CLNK: variants seen among roughly 807,000 people sequenced by gnomAD.
CLNK encodes the protein cytokine dependent hematopoietic cell linker, also known as cytokine-dependent hematopoietic cell linker.
Under a neutral mutation model 68.6 loss-of-function variants are expected in CLNK, and 74 were observed. The ratio of observed to expected loss-of-function variants is 1.08; its 90% CI spans 0.89 to 1.31. The LOEUF (loss-of-function observed/expected upper bound fraction) is 1.31, where lower values mean the gene tolerates loss of function less well. Ranked by LOEUF, CLNK falls within the 50% of genes most tolerant of loss-of-function variation. The probability of loss-of-function intolerance (pLI) is 0.00; values close to 1 mark genes in which losing one functional copy is unlikely to be tolerated. For synonymous variants in CLNK, 198 were observed against 172.2 expected, an observed-to-expected ratio of 1.15 and a Z score of -1.17; for missense variants, 553 against 515.3, an observed-to-expected ratio of 1.07 and a Z score of -0.71.
At chr4:10,619,054 G>A (rs1250317808) in intron 2 of CLNK, among the ~76,000 whole-genome samples, 1 of 152,228 alleles carries the variant, frequency 6.6e-6, no homozygotes, top group East Asian at 1.9e-4. Context: ...ATCAATGAGT[G>A]TCTCAGGCTC....
chr4:10,649,232 A>C (rs1361775396), intron 2 of CLNK, among the ~76,000 whole-genome samples: 1 of 152,190 alleles, frequency 6.6e-6, no homozygotes, highest in African/African-American at 2.4e-5. Flanking sequence ...AATATTGTTT[A>C]TTTCTTGTAG....
intron 5 of CLNK, among the ~76,000 whole-genome samples, chr4:10,569,815 T>C (rs559445665): frequency 9.2e-5 from 14 of 152,324 alleles, no homozygotes; most frequent in African/African-American, 3.4e-4. Flanking sequence ...AATCTGTAAA[T>C]TGGAGATGAC....
the CLNK span, among the ~76,000 whole-genome samples, chr4:10,723,952 G>T: frequency 9.0e-6 from 1 of 110,688 alleles, no homozygotes; most frequent in African/African-American, 2.9e-5. Context: ...TAACTTTTAT[G>T]TGTGGGTGGG....
chr4:10,597,951 T>C, intron 3 of CLNK, 27 bp downstream of exon 3: 1 of 1,473,144 alleles, frequency 6.8e-7, no homozygotes, highest in Non-Finnish European at 9.3e-7. Flanking sequence ...TTCACTCCTC[T>C]ATTAATAAAC....
At chr4:10,667,972 AC>A (rs1269651906) in intron 1 of CLNK, 61 bp from the exon 2 acceptor site, 1 of 934,188 alleles carries the variant, frequency 1.1e-6, no homozygotes, top group African/African-American at 1.6e-5. Flanking sequence ...ATTCTGGGGA[AC>A]AAGCCACTGT....
chr4:10,613,579 C>A (rs1323962737), intron 2 of CLNK, among the ~76,000 whole-genome samples: 2 of 152,130 alleles, frequency 1.3e-5, no homozygotes, highest in East Asian at 1.9e-4. Context: ...GACACAGGAA[C>A]ACAAAGATAA....
chr4:10,529,737 C>T (rs529180253), intron 12 of CLNK, among the ~76,000 whole-genome samples: 1 of 152,242 alleles, frequency 6.6e-6, no homozygotes. Context: ...TGCTCTCAGG[C>T]TTGTCAAAGG....
chr4:10,724,799 G>T, the CLNK span, among the ~76,000 whole-genome samples: 15 of 152,290 alleles, frequency 9.8e-5, 1 homozygote, highest in South Asian at 2.9e-3. Context: ...TTGTTTTATT[G>T]CTAATCCCCT....
At chr4:10,723,919 A>AGAGAGAGACAGAGAGAG in the CLNK span, among the ~76,000 whole-genome samples, 2 of 148,136 alleles carry the variant, frequency 1.4e-5, no homozygotes, top group East Asian at 2.0e-4. Context: ...AGAGAGAGAG[A>AGAGAGAGACAGAGAGAG]AGGCAGGGCA....
chr4:10,667,759 G>T, intron 2 of CLNK, 100 bp downstream of exon 2: 2 of 1,118,672 alleles, frequency 1.8e-6, no homozygotes, highest in Non-Finnish European at 2.5e-6. Context: ...TTCCATGGGC[G>T]GCCACATTGG....
chr4:10,606,366 T>A (rs1450730282), intron 2 of CLNK, among the ~76,000 whole-genome samples: 2 of 151,958 alleles, frequency 1.3e-5, no homozygotes, highest in African/African-American at 4.8e-5. Context: ...TCATTTCCTG[T>A]GATATCAATG....
At chr4:10,589,500 CA>C (rs1248462889) in intron 3 of CLNK, among the ~76,000 whole-genome samples, 1 of 152,176 alleles carries the variant, frequency 6.6e-6, no homozygotes, top group Non-Finnish European at 1.5e-5. Flanking sequence ...CTCCGTGCGT[CA>C]ATGCAAGCCA....
chr4:10,559,466 C>G (rs1392790402), intron 7 of CLNK, among the ~76,000 whole-genome samples: 1 of 152,080 alleles, frequency 6.6e-6, no homozygotes, highest in Non-Finnish European at 1.5e-5. Flanking sequence ...CTTGTGGGGA[C>G]TGGGGTGCCA....
At chr4:10,592,089 T>C (rs537872725) in intron 3 of CLNK, among the ~76,000 whole-genome samples, 5 of 152,344 alleles carry the variant, frequency 3.3e-5, no homozygotes, top group African/African-American at 1.2e-4. Context: ...TCTGAGAACC[T>C]GTGGCACTTC....
At chr4:10,514,475 A>G (rs1717743446) in intron 15 of CLNK, among the ~76,000 whole-genome samples, 2 of 147,088 alleles carry the variant, frequency 1.4e-5, no homozygotes, top group Non-Finnish European at 3.0e-5. Context: ...ATCTTTGACA[A>G]ACCTGAGAAA....
intron 2 of CLNK, among the ~76,000 whole-genome samples, chr4:10,646,270 A>T (rs1184297377): frequency 6.6e-6 from 1 of 152,208 alleles, no homozygotes; most frequent in African/African-American, 2.4e-5. Context: ...TTCAAATTCT[A>T]ATTTCATTTC....
chr4:10,512,120 G>A lies in CLNK; in HGVS notation c.906+1344C>T, dbSNP rs551872870. On this transcript the variant is annotated intron_variant, in intron 16 of 18. Coordinates refer to ENST00000226951, the MANE Select transcript of CLNK (RefSeq NM_052964.4). ...AGGAATCTGGGATCTGGGAGGGAGC[G>A]TAATCTTGTGTGGACCTCTAGTTAG... 7.9e-5 allele frequency among the ~76,000 whole-genome samples: 12 copies of A among 152,244 alleles called. No individual in the cohort carries two copies. The South Asian group carries it at 2.1e-3, about 26-fold the overall frequency.
At chr4:10,717,753 C>G in the CLNK span, among the ~76,000 whole-genome samples, 8 of 152,082 alleles carry the variant, frequency 5.3e-5, no homozygotes, top group Non-Finnish European at 1.0e-4. Flanking sequence ...AGCTAAAACA[C>G]GAAGTTTAAG....
the CLNK span, among the ~76,000 whole-genome samples, chr4:10,702,340 A>T: frequency 1.3e-5 from 2 of 152,112 alleles, no homozygotes; most frequent in Non-Finnish European, 2.9e-5. Flanking sequence ...TGGGCCATAA[A>T]GTGAAGAAGA....
Sources: allele counts gnomAD v4.1 joint callset (sites outside exome capture counted in the v4.1 genomes callset), GRCh38; gene constraint gnomAD v4.1.1; transcripts MANE v1.5; gene names NCBI Gene and HGNC (gene_info 2026-07-23, HGNC 2026-07-21).